The following MAP3K6 variants were observed in gnomAD, a reference collection of about 807,000 sequenced individuals.
The protein encoded by MAP3K6 is mitogen-activated protein kinase kinase kinase 6, also known as apoptosis signal-regulating kinase 2.
In MAP3K6, 105 loss-of-function variants were observed where a neutral mutation model predicts 147.1. That is an observed-to-expected ratio of 0.71 (90% CI 0.61 to 0.84). The LOEUF is 0.84. MAP3K6 is among the 40% of genes least tolerant of loss of function. MAP3K6 has a pLI of 0.00. For missense variants in MAP3K6, 1,569 were observed against 1,715.0 expected (o/e 0.91, Z 1.50); for synonymous variants, 695 against 732.4 (o/e 0.95, Z 0.82).
At chr1:27,361,461 A>C (rs2015767473) in intron 11 of MAP3K6, 59 bp downstream of exon 11, 1 of 1,611,002 alleles carries the variant, frequency 6.2e-7, no homozygotes, top group Admixed American at 1.7e-5. Context: ...GGATGGGAGA[A>C]AGGCTCCACA....
At position 27,357,748 on chromosome 1, in the gene MAP3K6, A is replaced by C; in HGVS notation, c.3044T>G (p.Leu1015Arg). 1 of 1,611,856 alleles carries C rather than the reference A, an allele frequency of 6.2e-7. No individual in the cohort carries two copies. Among genetic ancestry groups the C allele is most frequent in the South Asian group, 1.1e-5 (1 of 90,940 alleles). The change falls in exon 22 of 29, where the codon CTG becomes CGG. Residue 1015 changes from leucine (L) to arginine (R), a missense_variant. By Grantham distance (102) the Leu-to-Arg change is moderately radical (BLOSUM62 -2). Coordinates refer to ENST00000357582, the MANE Select transcript of MAP3K6 (RefSeq NM_004672.5). ...CTGCTCCTGGTGCAGATTCTCCGCC[A>C]GCGCTGGCAGCTCCTGCTCCAATAC... The part of the protein sequence containing the change: ...AAVLEQELPA[L>R]AENLHQEQKQ...
In MAP3K6 at chr1:27,361,954, G is replaced by A. The variant is rs146881362; in HGVS notation, c.1416-87C>T. The A allele has an allele frequency of 4.7e-5, 71 of 1,500,556 alleles. 1 individual carries two copies. The Admixed American group carries it at 7.1e-4, about 15-fold the overall frequency. The allele number at this position is 1,500,556 out of a possible 1,614,324, so 93.0% of individuals were successfully genotyped here. On this transcript the variant is annotated intron_variant, in intron 9 of 28. Coordinates refer to ENST00000357582, the MANE Select transcript of MAP3K6 (RefSeq NM_004672.5). ...AAACTGGCCTGGATATAGCTAGAAC[G>A]TTGGCATGGGGTGCCACGGGCACTG... is the stretch of plus-strand genomic sequence containing the variant.
In MAP3K6 at chr1:27,355,237, G is replaced by GTTGGT. The variant is rs2015476046; in HGVS notation, c.*149_*153dup. ...GTCTGGTAGTGCTTGGGTGCCTGTG[G>GTTGGT]TTGGTTTCTCTCACTGGAACCAGTC... On this transcript the variant is annotated 3_prime_UTR_variant, in exon 29 of 29. Transcript: ENST00000357582. 1.3e-6 allele frequency: 1 copy of GTTGGT among 754,658 alleles called. No homozygotes were observed. Among genetic ancestry groups the GTTGGT allele is most frequent in the Admixed American group, 1.9e-5 (1 of 52,746 alleles). 46.7% of individuals were successfully genotyped at this position (754,658 alleles called of 1,614,324 possible).
rs755464747 is a variant in MAP3K6, at chr1:27,364,662, G to C, written c.503C>G (p.Ser168Trp). 3 of 1,614,114 alleles carry C rather than the reference G, an allele frequency of 1.9e-6. No homozygotes were observed. The highest frequency in any genetic ancestry group is 2.2e-5 in the East Asian group (1 of 44,886). Residue 168 changes from serine to tryptophan, a missense_variant and splice_region_variant, in exon 3 of 29, where the codon TCG becomes TGG. Ser to Trp is a radical substitution (Grantham distance 177). Coordinates refer to ENST00000357582, the MANE Select transcript of MAP3K6 (RefSeq NM_004672.5). This position sits in a 1 kb window ranked among gnomAD's most constrained non-coding sequence, Gnocchi z 4.4. ...GAGTGAGAGGTGGATTCTGCTCACC[G>C]AGTTCTTCTGGAAAACATCCTCCTG... ...ALREDVFQKN[S>W]DCVGSYTLIP...
chr1:27,364,855 A>G lies in MAP3K6; in HGVS notation c.398T>C (p.Leu133Pro). 6.2e-7 allele frequency: 1 copy of G among 1,612,388 alleles called. No homozygotes were observed. The highest frequency in any genetic ancestry group is 8.5e-7 in the Non-Finnish European group (1 of 1,178,674). ...SLVQPSLFYHLGVRESFSMTN... is the reference protein window; with the variant it reads ...SLVQPSLFYHPGVRESFSMTN... ...CATGCTGAAGCTCTCACGCACACCA[A>G]GGTGGTAGAACAGGGAGGGCTGTAC... The change falls in exon 2 of 29, where the codon CTT becomes CCT. Residue 133 changes from leucine (L) to proline (P), a missense_variant. Physicochemically the swap from Leu to Pro is moderately conservative, Grantham distance 98. Coordinates refer to ENST00000357582, the MANE Select transcript of MAP3K6 (RefSeq NM_004672.5). This position sits in a 1 kb window ranked among gnomAD's most constrained non-coding sequence, Gnocchi z 4.4.
At position 27,362,102 on chromosome 1, in the gene MAP3K6, A is replaced by T. The variant is rs140256282; in HGVS notation, c.1404T>A (p.Asn468Lys). ...VLAAEQLYKL[N>K]APIWYLVSVM... Reference sequence around the variant, plus strand: ...AGGGGGCCACCTACCATATGGGGGCATTGAGCTTATACAGCTGCTCTGCAG... The same window carrying T: ...AGGGGGCCACCTACCATATGGGGGCTTTGAGCTTATACAGCTGCTCTGCAG... The change falls in exon 9 of 29, where the codon AAT becomes AAA. Residue 468 changes from asparagine to lysine, a missense_variant. Transcript: ENST00000357582. 3.8e-4 allele frequency: 619 copies of T among 1,611,912 alleles called. 4 individuals are homozygous for T. In the African/African-American group the frequency reaches 6.0e-3, roughly 16 times the overall value.
At chr1:27,357,908 C>T (rs1163578254) in intron 21 of MAP3K6, 32 bp from the exon 22 acceptor site, 5 of 1,547,442 alleles carry the variant, frequency 3.2e-6, no homozygotes, top group South Asian at 1.2e-5. Flanking sequence ...TGATTGAGGA[C>T]GGGCAGCAAC....
In MAP3K6 at chr1:27,361,624, G is replaced by A. The variant is rs142955447; in HGVS notation, c.1582C>T (p.Leu528=). 2 of 1,614,044 alleles carry A rather than the reference G, an allele frequency of 1.2e-6. No homozygotes were observed. Among genetic ancestry groups the A allele is most frequent in the Non-Finnish European group, 1.7e-6 (2 of 1,180,026 alleles). The change falls in exon 11 of 29, where the codon CTG becomes TTG. Residue 528 remains leucine (L), a synonymous_variant. Coordinates refer to ENST00000357582, the MANE Select transcript of MAP3K6 (RefSeq NM_004672.5). ...ACAQGDQCLV[L]VLEMNKVLLP... is the part of the protein sequence containing the mutation. ...AGCACCTTGTTCATCTCCAGGACCA[G>A]CACCTGCAGGCAGTTGGGGAGTGGG...
rs1453784398 is a variant in MAP3K6, at chr1:27,363,963, C to T, written c.818G>A (p.Ser273Asn). ...QRRLDSVELL[S>N]PDIIMNLLLS... ...CAGCAAGTTCATGATGATGTCGGGG[C>T]TCAGCAGCTCCACGCTGTCCAGTCT... Residue 273 changes from serine (S) to asparagine (N), a missense_variant, in exon 5 of 29, where the codon AGC becomes AAC. Coordinates refer to ENST00000357582, the MANE Select transcript of MAP3K6 (RefSeq NM_004672.5). 1 of 1,608,804 alleles carries T rather than the reference C, an allele frequency of 6.2e-7. No individual in the cohort carries two copies. Among genetic ancestry groups the T allele is most frequent in the East Asian group, 2.2e-5 (1 of 44,858 alleles).
Position 27,364,788 on chromosome 1 carries a change from G to T in MAP3K6, c.465C>A (p.Asp155Glu), listed in dbSNP as rs1352733736. The change falls in exon 2 of 29, where the codon GAC becomes GAA. Residue 155 changes from aspartate to glutamate, a missense_variant. Transcript: ENST00000357582. This position sits in a 1 kb window ranked among gnomAD's most constrained non-coding sequence, Gnocchi z 4.4. ...VLLCSQADLP[D>E]LQALREDVFQ... ...GGCCACCTACCCGCAGGGCCTGCAG[G>T]TCAGGGAGGTCGGCCTGGGAGCAGA... The T allele has an allele frequency of 6.2e-6, 10 of 1,613,712 alleles. No individual in the cohort carries two copies. Among genetic ancestry groups the T allele is most frequent in the Non-Finnish European group, 8.5e-6 (10 of 1,179,742 alleles).
chr1:27,361,138 A>C lies in MAP3K6; in HGVS notation c.1832+19T>G. The C allele has an allele frequency of 6.3e-7, 1 of 1,594,202 alleles. No homozygotes were observed. Among genetic ancestry groups the C allele is most frequent in the Non-Finnish European group, 8.5e-7 (1 of 1,171,224 alleles). ...GCATCCTGGCCCTCAGAGTACCCCG[A>C]CCATGAAAGGCTGCGCACCACTGGC... On this transcript the variant is annotated intron_variant, in intron 13 of 28. Coordinates refer to ENST00000357582, the MANE Select transcript of MAP3K6 (RefSeq NM_004672.5).
chr1:27,358,166 G>T lies in MAP3K6; in HGVS notation c.2915+15C>A. The T allele has an allele frequency of 1.3e-6, 2 of 1,562,700 alleles. No homozygotes were observed. Among genetic ancestry groups the T allele is most frequent in the Non-Finnish European group, 1.7e-6 (2 of 1,159,564 alleles). ...ACCAGGCAAAAGGAACCCATCCCAGGAGCCTTGGTCTCACCGGAGCTGGCT... is the reference window on the plus strand; with the variant it reads ...ACCAGGCAAAAGGAACCCATCCCAGTAGCCTTGGTCTCACCGGAGCTGGCT... On this transcript the variant is annotated intron_variant, in intron 21 of 28. Transcript: ENST00000357582. The surrounding 1 kb of genome is among the most constrained non-coding windows in gnomAD (Gnocchi z 6.2).
At position 27,358,902 on chromosome 1, in the gene MAP3K6, G is replaced by C. The variant is rs747503629; in HGVS notation, c.2426-36C>G. ...AACAGGAGCACCAATGCCCATCTAG[G>C]CTTCATCATGGGGTTGGAGCAGGGA... is the stretch of plus-strand genomic sequence containing the variant. On this transcript the variant is annotated intron_variant, in intron 18 of 28. Transcript: ENST00000357582. The surrounding 1 kb of genome is among the most constrained non-coding windows in gnomAD (Gnocchi z 6.2). The C allele has an allele frequency of 6.5e-7, 1 of 1,536,352 alleles. No individual in the cohort carries two copies. The highest frequency in any genetic ancestry group is 1.3e-5 in the South Asian group (1 of 78,322).
rs2015498779 is a variant in MAP3K6 at position 27,355,762 on chromosome 1, A to G, written c.3712-17T>C. ...GTTCAACAGCTGGATGTGGTCAAAGACCCGCAGAAAGAGGGAAATAAGAAA... is the reference window on the plus strand; with the variant it reads ...GTTCAACAGCTGGATGTGGTCAAAGGCCCGCAGAAAGAGGGAAATAAGAAA... On this transcript the variant is annotated splice_polypyrimidine_tract_variant and intron_variant, in intron 27 of 28. Coordinates refer to ENST00000357582, the MANE Select transcript of MAP3K6 (RefSeq NM_004672.5). 1 of 1,610,544 alleles carries G rather than the reference A, an allele frequency of 6.2e-7. No homozygotes were observed. The highest frequency in any genetic ancestry group is 8.5e-7 in the Non-Finnish European group (1 of 1,176,928).
rs1226535427 is a variant in MAP3K6, at chr1:27,359,919, C to G, written c.2258G>C (p.Arg753Pro). The G allele has an allele frequency of 1.2e-6, 2 of 1,614,138 alleles. No homozygotes were observed. Among genetic ancestry groups the G allele is most frequent in the Non-Finnish European group, 1.7e-6 (2 of 1,180,010 alleles). Residue 753 changes from arginine (R) to proline (P), a missense_variant, in exon 17 of 29, where the codon CGC (arginine) becomes CCC (proline). Physicochemically the swap from Arg to Pro is moderately radical, Grantham distance 103 (BLOSUM62 -2). Coordinates refer to ENST00000357582, the MANE Select transcript of MAP3K6 (RefSeq NM_004672.5). This position sits in a 1 kb window ranked among gnomAD's most constrained non-coding sequence, Gnocchi z 4.4. Reference sequence around the variant, plus strand: ...GTAGCCAAGTCCCTGCAGGATCTGGCGGGTGTAGAAACTGATGGTGCTCTC... The same window carrying G: ...GTAGCCAAGTCCCTGCAGGATCTGGGGGGTGTAGAAACTGATGGTGCTCTC... ...DNESTISFYT[R>P]QILQGLGYLH...
Position 27,366,664 on chromosome 1 carries a change from C to T in MAP3K6, c.-67G>A. ...GGGGCGGGGCAGGAGCCTGGGCCGG[C>T]AGATCAGGAATCTTGGGATCTGGAA... On this transcript the variant is annotated 5_prime_UTR_variant, in exon 1 of 29. Transcript: ENST00000357582. The surrounding 1 kb of genome is among the most constrained non-coding windows in gnomAD (Gnocchi z 5.5). 9.7e-7 allele frequency: 1 copy of T among 1,030,810 alleles called. No homozygotes were observed. The highest frequency in any genetic ancestry group is 1.2e-6 in the Non-Finnish European group (1 of 858,270). 63.9% of individuals were successfully genotyped at this position (1,030,810 alleles called of 1,614,324 possible). A position where few individuals can be genotyped will look rare whatever the true frequency, so the allele number is the denominator to read the frequency against.
rs773739522 is a variant in MAP3K6 at position 27,364,343 on chromosome 1, G to T, written c.556C>A (p.Arg186=). 1 of 1,614,064 alleles carries T rather than the reference G, an allele frequency of 6.2e-7. No individual in the cohort carries two copies. The highest frequency in any genetic ancestry group is 8.5e-7 in the Non-Finnish European group (1 of 1,180,022). The change falls in exon 4 of 29, where the codon CGG becomes AGG. Residue 186 remains arginine (R), a synonymous_variant. Transcript: ENST00000357582. The surrounding 1 kb of genome is among the most constrained non-coding windows in gnomAD (Gnocchi z 4.4). ...AGGCCTGCATCACCACACAGCACCC[G>T]ACCAGTGGCCGTCACCACATAGGGG... ...LIPYVVTATG[R]VLCGDAGLLR... is the part of the protein sequence containing the mutation.
chr1:27,362,777 G>C (rs2015827704), intron 7 of MAP3K6, 24 bp from the exon 8 acceptor site: 1 of 1,611,218 alleles, frequency 6.2e-7, no homozygotes, highest in Non-Finnish European at 8.5e-7. Context: ...AGGGGGCACA[G>C]GGCTGGACTG....
At position 27,358,424 on chromosome 1, in the gene MAP3K6, G is replaced by T. The variant is rs1228664604; in HGVS notation, c.2771C>A (p.Pro924His). 5 of 1,590,240 alleles carry T rather than the reference G, an allele frequency of 3.1e-6. No individual in the cohort carries two copies. In the Admixed American group the frequency reaches 7.8e-5, roughly 25 times the overall value. Residue 924 changes from proline (P) to histidine (H), a missense_variant, in exon 20 of 29, where the codon CCC becomes CAC. By Grantham distance (77) the Pro-to-His change is moderately conservative. Transcript: ENST00000357582. This position sits in a 1 kb window ranked among gnomAD's most constrained non-coding sequence, Gnocchi z 6.2. ...ATCCCGCCACCCGCAAGCACCTGAGGGCCGTGGAGCATGTCGTGGGGAGCT... is the reference window on the plus strand; with the variant it reads ...ATCCCGCCACCCGCAAGCACCTGAGTGCCGTGGAGCATGTCGTGGGGAGCT... ...SPSSPRHAPRPSDAPSASPTP... is the reference protein window; with the variant it reads ...SPSSPRHAPRHSDAPSASPTP...
Sources: gnomAD v4.1 joint callset for allele counts on GRCh38, gnomAD v4.1.1 for gene constraint, Gnocchi (gnomAD v3.1) non-coding constraint, MANE v1.5 for transcripts, NCBI Gene and HGNC (gene_info 2026-07-23, HGNC 2026-07-21) for gene names.